The following TUT4 variants were observed in gnomAD, a reference collection of about 807,000 sequenced individuals.
The protein encoded by TUT4 is terminal uridylyltransferase 4.
Under a neutral mutation model 192.2 loss-of-function variants are expected in TUT4, and 36 were observed. The ratio of observed to expected loss-of-function variants is 0.19; its 90% CI spans 0.14 to 0.25. The LOEUF (loss-of-function observed/expected upper bound fraction) is 0.25, where lower values mean the gene tolerates loss of function less well. TUT4 is among the 10% of genes least tolerant of loss of function. The pLI is 1.00. For missense variants in TUT4, 1,493 were observed against 1,957.2 expected, an observed-to-expected ratio of 0.76 and a Z score of 4.47; for synonymous variants, 618 against 666.0, an observed-to-expected ratio of 0.93 and a Z score of 1.11.
intron 14 of TUT4, among the ~76,000 whole-genome samples, chr1:52,470,165 A>G (rs1665339796): frequency 1.3e-5 from 2 of 152,226 alleles, no homozygotes; most frequent in South Asian, 2.1e-4. Context: ...GCCAGAAAGT[A>G]TGGAAGTGTT....
At chr1:52,500,595 T>C (rs1673820010) in intron 4 of TUT4, among the ~76,000 whole-genome samples, 1 of 152,044 alleles carries the variant, frequency 6.6e-6, no homozygotes, top group Non-Finnish European at 1.5e-5. Context: ...AAACTCCGTC[T>C]CTACTAAATA....
intron 1 of TUT4, among the ~76,000 whole-genome samples, chr1:52,535,405 A>C (rs1684640270): frequency 6.6e-6 from 1 of 151,982 alleles, no homozygotes; most frequent in Admixed American, 6.6e-5. Flanking sequence ...CAGCACTCTG[A>C]TCTTGTTTCA....
In TUT4 at chr1:52,477,772, T is replaced by C. The variant is rs765446951; in HGVS notation, c.1959A>G (p.Val653=). 12 of 1,613,984 alleles carry C rather than the reference T, an allele frequency of 7.4e-6. No individual in the cohort carries two copies. In the South Asian group the frequency reaches 1.2e-4, roughly 16 times the overall value. The change falls in exon 12 of 30, where the codon GTA becomes GTG. Residue 653 remains valine (V), a synonymous_variant. Coordinates refer to ENST00000257177, the MANE Select transcript of TUT4 (RefSeq NM_001009881.3). The part of the protein sequence containing the change: ...DFALEEYVIC[V]RIQDILTREN... ...CTCTTGTTAAAATATCTTGTATCCG[T>C]ACACATATGACATATTCCTCCAAAG...
rs775417524 is a variant in TUT4, at chr1:52,423,976, C to A, written c.4897G>T (p.Glu1633Ter). 6.2e-7 allele frequency: 1 copy of A among 1,612,650 alleles called. No individual in the cohort carries two copies. The highest frequency in any genetic ancestry group is 8.5e-7 in the Non-Finnish European group (1 of 1,179,440). ...CCTCTTGGTGGGTGGGGACAACGCT[C>A]TCTACACCGACGGGTGGCACATCTG... ...QDRCATRRCR[E>*]RCPHPPRGNV... The change falls in exon 30 of 30, where the codon GAG (glutamate) becomes TAG (stop). Residue 1633 changes from glutamate (E) to a stop codon, truncating the protein, a stop_gained. Coordinates refer to ENST00000257177, the MANE Select transcript of TUT4 (RefSeq NM_001009881.3). LOFTEE classifies it high-confidence loss of function.
rs113437028 is a variant in TUT4, at chr1:52,493,653, G to A, written c.1276C>T (p.Pro426Ser). 17 of 1,505,950 alleles carry A rather than the reference G, an allele frequency of 1.1e-5. No individual in the cohort carries two copies. In the South Asian group the frequency reaches 2.0e-4, roughly 17 times the overall value. 93.3% of individuals were successfully genotyped at this position (1,505,950 alleles called of 1,614,324 possible). A position where few individuals can be genotyped will look rare whatever the true frequency, so the allele number is the denominator to read the frequency against. ...DIKFPPKMNH[P>S]DLLIKVLGIL... ...CCAAGTACTTTTATCAGAAGATCTG[G>A]ATGATTCATCTAAAAAAGTTTCAAA... is the stretch of plus-strand genomic sequence containing the variant. Residue 426 changes from proline (P) to serine (S), a missense_variant, in exon 7 of 30, where the codon CCA (proline) becomes TCA (serine). Coordinates refer to ENST00000257177, the MANE Select transcript of TUT4 (RefSeq NM_001009881.3).
chr1:52,473,625 T>C (rs1666345226), intron 13 of TUT4, among the ~76,000 whole-genome samples: 1 of 152,196 alleles, frequency 6.6e-6, no homozygotes, highest in Non-Finnish European at 1.5e-5. Flanking sequence ...ATTTAATAAT[T>C]AGGTTAAACA....
chr1:52,510,357 T>C (rs1458860374), intron 3 of TUT4, among the ~76,000 whole-genome samples: 1 of 150,270 alleles, frequency 6.7e-6, no homozygotes, highest in African/African-American at 2.5e-5. Context: ...GTGGTCTTGC[T>C]ATTTAGTCTT....
intron 1 of TUT4, among the ~76,000 whole-genome samples, chr1:52,532,857 A>G (rs1471566950): frequency 6.6e-6 from 1 of 152,154 alleles, no homozygotes; most frequent in Non-Finnish European, 1.5e-5. Context: ...ACTAGTCTAC[A>G]TTTCACAAAC....
At chr1:52,536,245 G>A (rs1263514738) in intron 1 of TUT4, among the ~76,000 whole-genome samples, 1 of 152,160 alleles carries the variant, frequency 6.6e-6, no homozygotes, top group Non-Finnish European at 1.5e-5. Flanking sequence ...TATAAAGGAG[G>A]AGAGAAAGAT....
intron 15 of TUT4, 44 bp downstream of exon 15, chr1:52,468,135 CAT>C: frequency 7.2e-7 from 1 of 1,392,594 alleles, no homozygotes; most frequent in Non-Finnish European, 1.0e-6. Context: ...CTCAAGACTA[CAT>C]GACTACAGCA....
intron 4 of TUT4, among the ~76,000 whole-genome samples, chr1:52,505,485 C>A (rs1310140569): frequency 6.8e-6 from 1 of 146,698 alleles, no homozygotes; most frequent in Non-Finnish European, 1.5e-5. Flanking sequence ...GCAGTGGCGC[C>A]ATCTCAGCTC....
intron 16 of TUT4, chr1:52,463,639 A>G (rs1242756927): frequency 1.5e-6 from 2 of 1,302,678 alleles, no homozygotes; most frequent in Non-Finnish European, 2.0e-6. Context: ...AACAATAGCT[A>G]GGCTGGTAAA....
intron 13 of TUT4, among the ~76,000 whole-genome samples, chr1:52,473,576 T>C (rs1357616738): frequency 6.6e-6 from 1 of 152,204 alleles, no homozygotes; most frequent in Admixed American, 6.5e-5. Context: ...ATGCTAGCCA[T>C]ACCTTAATAA....
chr1:52,533,794 T>C (rs1205615731), intron 1 of TUT4, among the ~76,000 whole-genome samples: 1 of 151,942 alleles, frequency 6.6e-6, no homozygotes. Context: ...CGAAATCTCG[T>C]CTCTATTAAA....
chr1:52,436,458 C>T (rs888756127), intron 26 of TUT4, among the ~76,000 whole-genome samples: 3 of 151,978 alleles, frequency 2.0e-5, no homozygotes, highest in African/African-American at 7.2e-5. Context: ...TGTACTCCAG[C>T]CTGGGTAACA....
chr1:52,518,997 T>C (rs1034105744), intron 2 of TUT4, among the ~76,000 whole-genome samples: 6 of 152,198 alleles, frequency 3.9e-5, no homozygotes, highest in African/African-American at 1.2e-4. Context: ...AGAGTTAGCA[T>C]ACAACTAGCA....
intron 11 of TUT4, among the ~76,000 whole-genome samples, chr1:52,478,676 A>G (rs1020902199): frequency 6.6e-6 from 1 of 152,216 alleles, no homozygotes; most frequent in Non-Finnish European, 1.5e-5. Flanking sequence ...TAAGGGCTAC[A>G]TGCTAAGATG....
Position 52,468,164 on chromosome 1 carries a change from T to C in TUT4, c.2965+17A>G, listed in dbSNP as rs201555838. On this transcript the variant is annotated intron_variant, in intron 15 of 29. Coordinates refer to ENST00000257177, the MANE Select transcript of TUT4 (RefSeq NM_001009881.3). ...ACTACAGCAAAAACGCAATAAATTT[T>C]TTAACCTATGACATACCATCATATT... 109 of 1,574,640 alleles carry C rather than the reference T, an allele frequency of 6.9e-5. No individual in the cohort carries two copies. In the Admixed American group the frequency reaches 7.8e-4, roughly 11 times the overall value.
At chr1:52,494,194 A>C (rs1242968065) in intron 6 of TUT4, among the ~76,000 whole-genome samples, 1 of 152,134 alleles carries the variant, frequency 6.6e-6, no homozygotes, top group Non-Finnish European at 1.5e-5. Flanking sequence ...TCTTAGAATT[A>C]ATGGTTTCTT....
Sources: allele counts gnomAD v4.1 joint callset (sites outside exome capture counted in the v4.1 genomes callset), GRCh38; gene constraint gnomAD v4.1.1; transcripts MANE v1.5; gene names NCBI Gene and HGNC (gene_info 2026-07-23, HGNC 2026-07-21).